The following MACROD2 variants were observed in gnomAD, a reference collection of about 807,000 sequenced individuals.
The protein encoded by MACROD2 is mono-ADP ribosylhydrolase 2, also known as ADP-ribose glycohydrolase MACROD2.
A neutral mutation model predicts 70.4 loss-of-function variants in MACROD2; 36 were observed. That is an observed-to-expected ratio of 0.51 (90% CI 0.39 to 0.68). The LOEUF (loss-of-function observed/expected upper bound fraction) is 0.68. Among genes scored for constraint, MACROD2 ranks in the 30% least tolerant of loss-of-function variants. MACROD2 has a pLI of 0.00. For synonymous variants in MACROD2, 172 were observed against 178.8 expected (o/e 0.96, Z 0.30); for missense variants, 496 against 538.4 (o/e 0.92, Z 0.78).
intron 8 of MACROD2, among the ~76,000 whole-genome samples, chr20:15,803,878 A>G (rs2063746853): frequency 6.6e-6 from 1 of 152,190 alleles, no homozygotes; most frequent in African/African-American, 2.4e-5. Flanking sequence ...CCAAAGATAA[A>G]TTGCTCTTAA....
intron 15 of MACROD2, among the ~76,000 whole-genome samples, chr20:15,988,088 G>A (rs2066511119): frequency 6.6e-6 from 1 of 151,970 alleles, no homozygotes; most frequent in South Asian, 2.1e-4. Context: ...TCTTGGCAGG[G>A]GCATTGACAG....
Position 15,413,304 on chromosome 20 carries a change from G to C in MACROD2, c.541-18101G>C, listed in dbSNP as rs147202369. On this transcript the variant is annotated intron_variant, in intron 6 of 17. Transcript: ENST00000684519. ...GAAATTGCAGGCACTTCAGAATTCT[G>C]AATGGAATACTGGAGTGACCAGACT... 1.9e-3 allele frequency among the ~76,000 whole-genome samples: 289 copies of C among 152,226 alleles called. 3 individuals carry two copies. The highest frequency in any genetic ancestry group is 6.7e-3 in the African/African-American group (278 of 41,540).
chr20:15,134,954 G>A (rs2076135377), intron 5 of MACROD2, among the ~76,000 whole-genome samples: 1 of 152,118 alleles, frequency 6.6e-6, no homozygotes, highest in Non-Finnish European at 1.5e-5. Flanking sequence ...AAATAAACTA[G>A]AAAATCTAGA....
At position 14,961,632 on chromosome 20, in the gene MACROD2, A is replaced by T. The variant is rs181841510; in HGVS notation, c.419-268308A>T. Among the ~76,000 whole-genome samples the T allele has an allele frequency of 2.5e-4, 38 of 152,046 alleles. No homozygotes were observed. In the East Asian group the frequency reaches 7.4e-3, roughly 30 times the overall value. On this transcript the variant is annotated intron_variant, in intron 5 of 17. Transcript: ENST00000684519. ...AGCCTAGACCTCCTGGGCTCAAACG[A>T]TATCGCCCACGGCCCCTCAACTCCC...
chr20:14,222,784 A>G (rs2081688638), intron 3 of MACROD2, among the ~76,000 whole-genome samples: 2 of 145,938 alleles, frequency 1.4e-5, no homozygotes, highest in Non-Finnish European at 1.5e-5. Flanking sequence ...TTTTGACTCT[A>G]CAGTTCACAG....
intron 3 of MACROD2, among the ~76,000 whole-genome samples, chr20:14,382,043 A>G (rs1268746330): frequency 2.7e-5 from 4 of 149,640 alleles, no homozygotes; most frequent in Non-Finnish European, 5.9e-5. Context: ...GGTACCACAT[A>G]TACTATAATG....
At chr20:15,751,697 A>G (rs1038817263) in intron 8 of MACROD2, among the ~76,000 whole-genome samples, 16 of 151,894 alleles carry the variant, frequency 1.1e-4, no homozygotes, top group Non-Finnish European at 1.5e-4. Context: ...GGTCCTACAT[A>G]AGGCCCACAA....
At chr20:15,689,364 G>A (rs2050269981) in intron 8 of MACROD2, among the ~76,000 whole-genome samples, 1 of 151,762 alleles carries the variant, frequency 6.6e-6, no homozygotes, top group Admixed American at 6.6e-5. Flanking sequence ...AGAGTGTGGA[G>A]TCACACAATA....
intron 12 of MACROD2, among the ~76,000 whole-genome samples, chr20:15,943,378 T>C (rs2065777603): frequency 6.6e-6 from 1 of 152,178 alleles, no homozygotes; most frequent in African/African-American, 2.4e-5. Context: ...CTATTCCCAT[T>C]CTTGGTGTTC....
chr20:15,546,193 C>T (rs1056622726), intron 8 of MACROD2, among the ~76,000 whole-genome samples: 18 of 152,198 alleles, frequency 1.2e-4, no homozygotes, highest in Non-Finnish European at 2.1e-4. Context: ...TGCAGTGAAC[C>T]GAGATTGCAC....
chr20:15,126,200 A>T (rs1286449338), intron 5 of MACROD2, among the ~76,000 whole-genome samples: 1 of 138,436 alleles, frequency 7.2e-6, no homozygotes, highest in African/African-American at 2.7e-5. Context: ...GTTTTCAGTT[A>T]TCCTGCATAT....
intron 6 of MACROD2, among the ~76,000 whole-genome samples, chr20:15,267,480 C>CT (rs1387293561): frequency 1.3e-5 from 2 of 152,028 alleles, no homozygotes; most frequent in Non-Finnish European, 2.9e-5. Flanking sequence ...AAACCTTTGT[C>CT]TCCCCAGAGT....
chr20:15,537,042 C>G (rs1427595802), intron 8 of MACROD2, among the ~76,000 whole-genome samples: 1 of 152,078 alleles, frequency 6.6e-6, no homozygotes, highest in Non-Finnish European at 1.5e-5. Flanking sequence ...TGTCCCCACC[C>G]AAATCTCATC....
At chr20:15,482,015 G>A (rs770655111) in intron 7 of MACROD2, among the ~76,000 whole-genome samples, 2 of 152,108 alleles carry the variant, frequency 1.3e-5, no homozygotes, top group Non-Finnish European at 2.9e-5. Flanking sequence ...GAGGGAGGTA[G>A]CAAGGAATGA....
At chr20:15,776,684 C>T (rs762867477) in intron 8 of MACROD2, among the ~76,000 whole-genome samples, 1 of 152,192 alleles carries the variant, frequency 6.6e-6, no homozygotes, top group Non-Finnish European at 1.5e-5. Flanking sequence ...ACAACGAGAA[C>T]ATTCCCTTTT....
In MACROD2 at chr20:15,904,880, C is replaced by CAAAAA. The variant is rs10556594; in HGVS notation, c.775+19089_775+19093dup. On this transcript the variant is annotated intron_variant, in intron 10 of 17. Coordinates refer to ENST00000684519, the MANE Select transcript of MACROD2 (RefSeq NM_001351661.2). ...TGCGCGAAAGAGAGAGACTCTGTCTCAAAAAAAAAAAAAAAAAAAAAAAAG... is the reference window on the plus strand; with the variant it reads ...TGCGCGAAAGAGAGAGACTCTGTCTCAAAAAAAAAAAAAAAAAAAAAAAAAAAAAG... Among the ~76,000 whole-genome samples, 583 of 128,794 alleles carry CAAAAA rather than the reference C, an allele frequency of 4.5e-3. 12 individuals carry two copies. In the East Asian group the frequency reaches 0.064, roughly 14 times the overall value. 84.5% of individuals were successfully genotyped at this position (128,794 alleles called of 152,430 possible).
Position 15,542,824 on chromosome 20 carries a change from G to A in MACROD2, c.645+42977G>A, listed in dbSNP as rs79744306. On this transcript the variant is annotated intron_variant, in intron 8 of 17. Transcript: ENST00000684519. ...AATCATCATTCTTTGGCCATAATAG[G>A]CCAACTCTATTTGTGGGCCTAGGAC... 3.6e-3 allele frequency among the ~76,000 whole-genome samples: 549 copies of A among 152,188 alleles called. 3 individuals are homozygous for A. Among genetic ancestry groups the A allele is most frequent in the African/African-American group, 0.013 (521 of 41,522 alleles).
intron 8 of MACROD2, among the ~76,000 whole-genome samples, chr20:15,685,239 C>G (rs1465271758): frequency 6.6e-6 from 1 of 152,140 alleles, no homozygotes; most frequent in Non-Finnish European, 1.5e-5. Flanking sequence ...AACTCTAAAT[C>G]TATACCACGA....
chr20:14,019,711 T>G (rs1401629969), intron 2 of MACROD2, among the ~76,000 whole-genome samples: 1 of 151,964 alleles, frequency 6.6e-6, no homozygotes, highest in East Asian at 1.9e-4. Flanking sequence ...GAATCATGAG[T>G]CTTGGATCTG....
Sources: gnomAD v4.1 joint callset for allele counts (sites outside exome capture counted in the v4.1 genomes callset) on GRCh38, gnomAD v4.1.1 for gene constraint, MANE v1.5 for transcripts, NCBI Gene and HGNC (gene_info 2026-07-23, HGNC 2026-07-21) for gene names.